The following ATF7IP variants were observed in gnomAD, a reference collection of about 807,000 sequenced individuals.
ATF7IP encodes activating transcription factor 7-interacting protein 1.
In ATF7IP, 23 loss-of-function variants were observed where a neutral mutation model predicts 106.4. That is an observed-to-expected ratio of 0.22 (90% CI 0.16 to 0.31). The LOEUF is 0.31. Among genes scored for constraint, ATF7IP ranks in the 10% least tolerant of loss-of-function variants. The probability of loss-of-function intolerance (pLI) is 1.00; values close to 1 mark genes in which losing one functional copy is unlikely to be tolerated. For missense variants in ATF7IP, 1,334 were observed against 1,524.3 expected, an observed-to-expected ratio of 0.88 and a Z score of 2.08; for synonymous variants, 542 against 539.0, an observed-to-expected ratio of 1.01 and a Z score of -0.08.
At chr12:14,434,524 G>A in intron 3 of ATF7IP, 101 bp downstream of exon 3, 1 of 817,810 alleles carries the variant, frequency 1.2e-6, no homozygotes, top group South Asian at 1.7e-5. Flanking sequence ...TGAAATAATT[G>A]TAAAATTTTG....
chr12:14,395,525 A>T (rs917339790), intron 1 of ATF7IP, among the ~76,000 whole-genome samples: 4 of 152,172 alleles, frequency 2.6e-5, no homozygotes, highest in Admixed American at 6.5e-5. Context: ...CATGCATACA[A>T]TATGTTCATA....
chr12:14,400,734 T>G (rs1000509373), intron 1 of ATF7IP, among the ~76,000 whole-genome samples: 1 of 152,210 alleles, frequency 6.6e-6, no homozygotes, highest in African/African-American at 2.4e-5. Context: ...CAATTCCTGC[T>G]TGTTTGTCCT....
chr12:14,392,635 A>G (rs1297251431), intron 1 of ATF7IP, among the ~76,000 whole-genome samples: 1 of 152,178 alleles, frequency 6.6e-6, no homozygotes, highest in African/African-American at 2.4e-5. Flanking sequence ...GACAATAAAT[A>G]TGAGAGAAGG....
chr12:14,458,723 T>C (rs1008166397), intron 8 of ATF7IP, among the ~76,000 whole-genome samples: 9 of 151,852 alleles, frequency 5.9e-5, no homozygotes, highest in Non-Finnish European at 1.2e-4. Context: ...CTCAGGAGGC[T>C]GAAGTGGAAA....
At chr12:14,473,091 C>A (rs968864374) in intron 10 of ATF7IP, among the ~76,000 whole-genome samples, 1 of 152,104 alleles carries the variant, frequency 6.6e-6, no homozygotes, top group African/African-American at 2.4e-5. Context: ...AGTTTTTAGA[C>A]CATTTATAGT....
chr12:14,377,300 T>C (rs1938785537), intron 1 of ATF7IP, among the ~76,000 whole-genome samples: 1 of 151,858 alleles, frequency 6.6e-6, no homozygotes, highest in African/African-American at 2.4e-5. Context: ...CAGCCCGAAA[T>C]TCATTTTTAA....
At chr12:14,497,457 C>T (rs1261440240) in intron 14 of ATF7IP, among the ~76,000 whole-genome samples, 197 bp from the exon 15 acceptor site, 1 of 152,140 alleles carries the variant, frequency 6.6e-6, no homozygotes, top group Non-Finnish European at 1.5e-5. Context: ...GGAATAACCT[C>T]AGCATCATTG....
rs1414076650 is a variant in ATF7IP at position 14,498,665 on chromosome 12, C to T, written c.*592C>T. On this transcript the variant is annotated 3_prime_UTR_variant, in exon 15 of 15. Transcript: ENST00000261168. ...AGGTGAAAAAAGATCTGCAATGGCC[C>T]CCTCCCTTTCCTAATCTGGCTTTTA... 6.6e-6 allele frequency: 1 copy of T among 152,452 alleles called. No homozygotes were observed. The highest frequency in any genetic ancestry group is 6.6e-5 in the Admixed American group (1 of 15,238). 9.4% of individuals were successfully genotyped at this position (152,452 alleles called of 1,614,324 possible).
chr12:14,444,092 G>A (rs1942841785), intron 5 of ATF7IP, among the ~76,000 whole-genome samples: 1 of 151,918 alleles, frequency 6.6e-6, no homozygotes, highest in African/African-American at 2.4e-5. Context: ...CATAATACTC[G>A]GAATTTCAAC....
chr12:14,495,891 G>A (rs767020534), intron 13 of ATF7IP, among the ~76,000 whole-genome samples: 8 of 152,086 alleles, frequency 5.3e-5, no homozygotes, highest in Non-Finnish European at 1.5e-5. Context: ...TCCTGGTAAC[G>A]ATCCATTTAT....
At chr12:14,487,733 C>T (rs1425889219) in intron 13 of ATF7IP, among the ~76,000 whole-genome samples, 1 of 152,198 alleles carries the variant, frequency 6.6e-6, no homozygotes, top group African/African-American at 2.4e-5. Flanking sequence ...CTGTCTCTCA[C>T]TCAAGGCAGT....
At chr12:14,493,967 C>CT (rs1455491501) in intron 13 of ATF7IP, among the ~76,000 whole-genome samples, 1 of 151,862 alleles carries the variant, frequency 6.6e-6, no homozygotes, top group Non-Finnish European at 1.5e-5. Flanking sequence ...CATTATGTTC[C>CT]TTGGTTCTCC....
intron 11 of ATF7IP, chr12:14,476,241 G>A (rs35067605): frequency 0.022 from 5,438 of 251,380 alleles, 67 homozygotes; most frequent in Middle Eastern, 0.033. Context: ...GTGAAACCCC[G>A]TCTCTATAAA....
chr12:14,410,381 C>T (rs569707514), intron 1 of ATF7IP, among the ~76,000 whole-genome samples: 35 of 152,232 alleles, frequency 2.3e-4, no homozygotes, highest in Non-Finnish European at 4.0e-4. Context: ...TCCAGCATAT[C>T]TACACTGTAG....
intron 10 of ATF7IP, among the ~76,000 whole-genome samples, chr12:14,470,553 C>T (rs1202323562): frequency 6.6e-6 from 1 of 152,152 alleles, no homozygotes; most frequent in Non-Finnish European, 1.5e-5. Flanking sequence ...ATAATAAGGT[C>T]TACAGTCAGA....
chr12:14,466,313 GT>G (rs1487186949), intron 9 of ATF7IP: 2 of 441,390 alleles, frequency 4.5e-6, no homozygotes, highest in Non-Finnish European at 8.0e-6. Context: ...CCAGTGGAAA[GT>G]TTTTTTTAAT....
chr12:14,434,292 G>A (rs1315634530), intron 2 of ATF7IP, 45 bp from the exon 3 acceptor site: 1 of 1,161,038 alleles, frequency 8.6e-7, no homozygotes, highest in East Asian at 2.5e-5. Flanking sequence ...GAGCTGTTAT[G>A]AATTCTAGTA....
rs574446947 is a variant in ATF7IP at position 14,432,610 on chromosome 12, A to G, written c.1559-1727A>G. 3.3e-5 allele frequency among the ~76,000 whole-genome samples: 5 copies of G among 152,300 alleles called. No individual in the cohort carries two copies. In the South Asian group the frequency reaches 6.2e-4, roughly 19 times the overall value. The stretch of plus-strand genomic sequence containing the variant: ...TGAAAAAAATACTTCTAGCGCCTTA[A>G]TAGGTATTCATCAATGATCCTTGTC... On this transcript the variant is annotated intron_variant, in intron 2 of 14. Coordinates refer to ENST00000261168, the MANE Select transcript of ATF7IP (RefSeq NM_018179.5).
intron 1 of ATF7IP, among the ~76,000 whole-genome samples, chr12:14,410,731 A>G (rs1224987723): frequency 6.6e-6 from 1 of 151,432 alleles, no homozygotes; most frequent in Non-Finnish European, 1.5e-5. Context: ...TACTGTTCCT[A>G]ATTTATAAGT....
Sources: allele counts gnomAD v4.1 joint callset (sites outside exome capture counted in the v4.1 genomes callset), GRCh38; gene constraint gnomAD v4.1.1; transcripts MANE v1.5; gene names NCBI Gene and HGNC (gene_info 2026-07-23, HGNC 2026-07-21).